DYNC2LI1: variants seen among roughly 807,000 people sequenced by gnomAD.
DYNC2LI1 encodes cytoplasmic dynein 2 light intermediate chain 1.
A neutral mutation model predicts 51.9 loss-of-function variants in DYNC2LI1; 45 were observed. The observed-to-expected ratio is 0.87, with a 90% CI of 0.68 to 1.11. DYNC2LI1 has a LOEUF of 1.11. DYNC2LI1 is among the 50% of genes most tolerant of loss of function. The pLI is 0.00. For missense variants in DYNC2LI1, 490 were observed against 417.4 expected, an observed-to-expected ratio of 1.17 and a Z score of -1.51; for synonymous variants, 130 against 137.8, an observed-to-expected ratio of 0.94 and a Z score of 0.40.
the DYNC2LI1 span, chr2:43,824,383 G>A: frequency 1.1e-5 from 17 of 1,614,122 alleles, no homozygotes; most frequent in Non-Finnish European, 1.3e-5. Flanking sequence ...CTCTCTTGGA[G>A]GTTTCTATTT....
At chr2:43,820,118 C>T in the DYNC2LI1 span, 5 of 1,610,080 alleles carry the variant, frequency 3.1e-6, no homozygotes, top group Non-Finnish European at 4.2e-6. Flanking sequence ...AGCATAAGCT[C>T]TTTAGTTTCC....
Position 43,800,956 on chromosome 2 carries a change from T to C in DYNC2LI1, c.731+39T>C, listed in dbSNP as rs752623645. ...ATTTTTTATATCATTTATTGAGTGATTGATTTAGCCAATGTTGTCTCATCT... is the reference window on the plus strand; with the variant it reads ...ATTTTTTATATCATTTATTGAGTGACTGATTTAGCCAATGTTGTCTCATCT... On this transcript the variant is annotated intron_variant, in intron 9 of 12. Coordinates refer to ENST00000260605, the MANE Select transcript of DYNC2LI1 (RefSeq NM_016008.4). 34 of 1,378,884 alleles carry C rather than the reference T, an allele frequency of 2.5e-5. No individual in the cohort carries two copies. The East Asian group carries it at 7.9e-4, about 32-fold the overall frequency. 85.4% of individuals were successfully genotyped at this position (1,378,884 alleles called of 1,614,324 possible).
At chr2:43,795,606 A>G (rs1456794982) in intron 6 of DYNC2LI1, among the ~76,000 whole-genome samples, 2 of 152,086 alleles carry the variant, frequency 1.3e-5, no homozygotes, top group African/African-American at 2.4e-5. Flanking sequence ...AAATAGAATA[A>G]AAAAAAACCA....
At chr2:43,781,232 G>T (rs552190352) in intron 2 of DYNC2LI1, among the ~76,000 whole-genome samples, 1 of 152,078 alleles carries the variant, frequency 6.6e-6, no homozygotes, top group Non-Finnish European at 1.5e-5. Context: ...ACCTGCACGT[G>T]GTGGTGCATA....
At chr2:43,790,335 T>C (rs994948224) in intron 5 of DYNC2LI1, among the ~76,000 whole-genome samples, 3 of 152,236 alleles carry the variant, frequency 2.0e-5, no homozygotes, top group Admixed American at 2.0e-4. Context: ...GAACTGGTCT[T>C]AGCTAAGAAA....
At chr2:43,786,068 A>G (rs1431171374) in intron 3 of DYNC2LI1, among the ~76,000 whole-genome samples, 1 of 152,192 alleles carries the variant, frequency 6.6e-6, no homozygotes, top group African/African-American at 2.4e-5. Flanking sequence ...TTGTTTTAAT[A>G]TTTTCCTAAT....
chr2:43,825,132 G>C, the DYNC2LI1 span: 1 of 1,294,678 alleles, frequency 7.7e-7, no homozygotes, highest in South Asian at 1.3e-5. Context: ...TGGTCACCAA[G>C]TCCTTATGGG....
chr2:43,817,601 A>G, the DYNC2LI1 span, among the ~76,000 whole-genome samples: 1 of 151,906 alleles, frequency 6.6e-6, no homozygotes, highest in Non-Finnish European at 1.5e-5. Context: ...ATAAGTTGAA[A>G]ATATTCTAAG....
downstream of DYNC2LI1, among the ~76,000 whole-genome samples, chr2:43,813,567 G>T (rs538134481): frequency 6.6e-6 from 1 of 151,900 alleles, no homozygotes; most frequent in East Asian, 1.9e-4. Context: ...CCTTAGCACA[G>T]ACTATCCTAA....
chr2:43,807,815 C>T (rs972530200), intron 12 of DYNC2LI1, among the ~76,000 whole-genome samples: 17 of 149,236 alleles, frequency 1.1e-4, no homozygotes, highest in Admixed American at 1.1e-3. Context: ...CTTGGCCAAC[C>T]ACAGTTATCT....
chr2:43,825,836 C>A, the DYNC2LI1 span, among the ~76,000 whole-genome samples: 1 of 152,206 alleles, frequency 6.6e-6, no homozygotes, highest in African/African-American at 2.4e-5. Flanking sequence ...CTGAAACACA[C>A]CTCATAGGAG....
rs115912938 is a variant in DYNC2LI1, at chr2:43,801,410, G to T, written c.732-229G>T. ...TAGCCTTGCTACTTCTCTTGGTTTT[G>T]ATTTAAGGTAATAGGGTCTGTCACT... On this transcript the variant is annotated intron_variant, in intron 9 of 12. Coordinates refer to ENST00000260605, the MANE Select transcript of DYNC2LI1 (RefSeq NM_016008.4). 1,521 of 330,442 alleles carry T rather than the reference G, an allele frequency of 4.6e-3. 28 individuals carry two copies. The highest frequency in any genetic ancestry group is 0.03 in the African/African-American group (1,406 of 46,520). 20.5% of individuals were successfully genotyped at this position (330,442 alleles called of 1,614,324 possible). A position where few individuals can be genotyped will look rare whatever the true frequency, so the allele number is the denominator to read the frequency against.
chr2:43,813,302 T>G (rs1280347803), downstream of DYNC2LI1: 2 of 1,611,110 alleles, frequency 1.2e-6, no homozygotes, highest in Non-Finnish European at 1.7e-6. Flanking sequence ...CAGAAACATT[T>G]GAGCTGCCTG....
chr2:43,786,658 A>T (rs1673533938), intron 3 of DYNC2LI1, among the ~76,000 whole-genome samples: 1 of 152,038 alleles, frequency 6.6e-6, no homozygotes, highest in Non-Finnish European at 1.5e-5. Context: ...CCCTGTCTTT[A>T]CTAAAAATAC....
At chr2:43,810,674 A>G (rs762457877), downstream of DYNC2LI1, among the ~76,000 whole-genome samples, 4 of 152,204 alleles carry the variant, frequency 2.6e-5, no homozygotes, top group East Asian at 1.9e-4. Flanking sequence ...GCTTATTGCA[A>G]TGAACTAGGA....
the DYNC2LI1 span, among the ~76,000 whole-genome samples, chr2:43,817,503 A>C: frequency 6.6e-6 from 1 of 151,676 alleles, no homozygotes; most frequent in Admixed American, 6.6e-5. Flanking sequence ...AACAAACAAA[A>C]ATAAAAATAA....
intron 4 of DYNC2LI1, among the ~76,000 whole-genome samples, chr2:43,788,358 C>T (rs143884088): frequency 7.0e-4 from 106 of 152,334 alleles, no homozygotes; most frequent in Non-Finnish European, 1.2e-3. Context: ...TCTGTCTCTT[C>T]CAGGCTCATG....
chr2:43,781,293 C>T (rs542169513), intron 2 of DYNC2LI1, among the ~76,000 whole-genome samples: 15 of 151,774 alleles, frequency 9.9e-5, no homozygotes, highest in South Asian at 2.1e-4. Flanking sequence ...CACTTGAACC[C>T]AGAGGCAGAG....
chr2:43,826,090 C>T, the DYNC2LI1 span, among the ~76,000 whole-genome samples: 2 of 152,292 alleles, frequency 1.3e-5, no homozygotes, highest in Admixed American at 1.3e-4. Flanking sequence ...ATCCTCTCAC[C>T]TCAGCCTTCC....
Sources: gnomAD v4.1 joint callset for allele counts (sites outside exome capture counted in the v4.1 genomes callset) on GRCh38, gnomAD v4.1.1 for gene constraint, MANE v1.5 for transcripts, NCBI Gene and HGNC (gene_info 2026-07-23, HGNC 2026-07-21) for gene names.